NRXN1: variants seen among roughly 807,000 people sequenced by gnomAD.
The protein encoded by NRXN1 is neurexin 1.
Under a neutral mutation model 150.9 loss-of-function variants are expected in NRXN1, and 39 were observed. The observed-to-expected ratio is 0.26, with a 90% confidence interval of 0.20 to 0.34. NRXN1 has a LOEUF of 0.34. NRXN1 is among the 10% of genes least tolerant of loss of function. The pLI, the probability that NRXN1 is intolerant of heterozygous loss-of-function variation, is 1.00. For synonymous variants in NRXN1, 924 were observed against 757.0 expected, an observed-to-expected ratio of 1.22 and a Z score of -3.62; for missense variants, 1,815 against 1,949.9, an observed-to-expected ratio of 0.93 and a Z score of 1.30.
rs1325921316 is a variant in NRXN1, at chr2:50,347,211, A to G, written c.3365-110241T>C. On this transcript the variant is annotated intron_variant, in intron 17 of 22. Coordinates refer to ENST00000401669, the MANE Select transcript of NRXN1 (RefSeq NM_001330078.2). The surrounding 1 kb of genome is among the most constrained non-coding windows in gnomAD (Gnocchi z 4.9). ...CTTGTCCGGAAAGGCAGCCCCGGGA[A>G]CAGCAAGCGCGGAGCGGGTGGCTGC... is the stretch of plus-strand genomic sequence containing the variant. 7.5e-7 allele frequency: 1 copy of G among 1,341,752 alleles called. No individual in the cohort carries two copies. The highest frequency in any genetic ancestry group is 9.8e-7 in the Non-Finnish European group (1 of 1,024,134). 83.1% of individuals were successfully genotyped at this position (1,341,752 alleles called of 1,614,324 possible).
intron 5 of NRXN1, chr2:50,625,097 G>A (rs999678284): frequency 2.0e-5 from 3 of 151,846 alleles, no homozygotes; most frequent in Non-Finnish European, 2.9e-5. Context: ...TTATGCCCCC[G>A]AGAGGGTTGA....
intron 12 of NRXN1, among the ~76,000 whole-genome samples, chr2:50,508,604 C>A (rs1262527205): frequency 6.6e-6 from 1 of 151,306 alleles, no homozygotes; most frequent in Non-Finnish European, 1.5e-5. Flanking sequence ...TTTGAAGCAG[C>A]TTCACTTCTA....
chr2:50,127,826 G>A (rs1199522874), intron 18 of NRXN1, among the ~76,000 whole-genome samples: 1 of 152,114 alleles, frequency 6.6e-6, no homozygotes, highest in African/African-American at 2.4e-5. Context: ...GTACAATAAA[G>A]GTCAGATAAA....
At chr2:50,667,479 C>A (rs536844601) in intron 5 of NRXN1, among the ~76,000 whole-genome samples, 2 of 151,944 alleles carry the variant, frequency 1.3e-5, no homozygotes, top group East Asian at 3.9e-4. Flanking sequence ...TAGCATTCTG[C>A]AAGTAATGAT....
chr2:50,869,705 T>C (rs2106089313), intron 5 of NRXN1, among the ~76,000 whole-genome samples: 1 of 151,946 alleles, frequency 6.6e-6, no homozygotes, highest in African/African-American at 2.4e-5. Context: ...AATTAAAAGG[T>C]AGTTATGTCA....
intron 5 of NRXN1, among the ~76,000 whole-genome samples, chr2:50,671,459 T>C (rs1267550014): frequency 6.6e-6 from 1 of 151,680 alleles, no homozygotes; most frequent in Non-Finnish European, 1.5e-5. Context: ...ATTATCAATA[T>C]CATGTTCAAA....
intron 18 of NRXN1, among the ~76,000 whole-genome samples, chr2:50,129,960 T>C (rs1705224521): frequency 6.6e-6 from 1 of 152,182 alleles, no homozygotes; most frequent in African/African-American, 2.4e-5. Context: ...CCAAAACAAA[T>C]ATTTTCTATG....
chr2:50,408,655 A>ATGTGTGTGTGTATGTCTGTGTGTGCGTC (rs2082920496), intron 17 of NRXN1, among the ~76,000 whole-genome samples: 1 of 152,028 alleles, frequency 6.6e-6, no homozygotes, highest in Non-Finnish European at 1.5e-5. Flanking sequence ...GATTGTGTGT[A>ATGTGTGTGTGTATGTCTGTGTGTGCGTC]TGTGTGTGTG....
chr2:50,462,456 T>C (rs557358455), intron 17 of NRXN1, among the ~76,000 whole-genome samples: 1 of 151,478 alleles, frequency 6.6e-6, no homozygotes, highest in Non-Finnish European at 1.5e-5. Flanking sequence ...GAAAGAGGAA[T>C]AAGAAATGGG....
intron 21 of NRXN1, among the ~76,000 whole-genome samples, chr2:50,031,840 T>C (rs1689222957): frequency 6.6e-6 from 1 of 152,038 alleles, no homozygotes; most frequent in African/African-American, 2.4e-5. Context: ...TCTCAGCCCT[T>C]AATTCGCCAT....
intron 9 of NRXN1, among the ~76,000 whole-genome samples, chr2:50,550,398 A>C (rs1409011349): frequency 1.3e-5 from 2 of 152,064 alleles, no homozygotes; most frequent in African/African-American, 4.8e-5. Flanking sequence ...AGTGCTATAA[A>C]ATCTGACTTA....
chr2:50,928,759 G>A (rs533565878), intron 2 of NRXN1, among the ~76,000 whole-genome samples: 18 of 152,066 alleles, frequency 1.2e-4, no homozygotes, highest in African/African-American at 4.3e-4. Flanking sequence ...CAGTCCATCC[G>A]GCCTTACCTG....
At chr2:51,021,601 G>C (rs1287421605) in intron 2 of NRXN1, among the ~76,000 whole-genome samples, 10 of 151,672 alleles carry the variant, frequency 6.6e-5, no homozygotes, top group African/African-American at 2.4e-4. Context: ...ACCTACTTAT[G>C]ATAACTAAAA....
intron 5 of NRXN1, among the ~76,000 whole-genome samples, chr2:50,767,990 C>T (rs987467368): frequency 6.6e-6 from 1 of 151,998 alleles, no homozygotes; most frequent in South Asian, 2.1e-4. Context: ...CAACTCTGGC[C>T]GATAATTTAT....
intron 18 of NRXN1, among the ~76,000 whole-genome samples, chr2:50,184,125 TAC>T (rs1202433415): frequency 1.3e-5 from 2 of 152,202 alleles, no homozygotes; most frequent in East Asian, 3.9e-4. Flanking sequence ...GCTAATATTC[TAC>T]ACAGACTCCA....
intron 17 of NRXN1, among the ~76,000 whole-genome samples, chr2:50,394,218 G>A (rs1303372185): frequency 1.3e-5 from 2 of 151,946 alleles, no homozygotes; most frequent in East Asian, 1.9e-4. Context: ...ATCTATATGT[G>A]ATGATGCTTA....
intron 5 of NRXN1, among the ~76,000 whole-genome samples, chr2:50,809,901 T>A (rs765701070): frequency 1.3e-5 from 2 of 152,192 alleles, no homozygotes; most frequent in African/African-American, 4.8e-5. Flanking sequence ...AAAACAGGCA[T>A]ACCTGTCAAT....
intron 22 of NRXN1, among the ~76,000 whole-genome samples, chr2:49,936,536 A>G (rs1671060315): frequency 6.6e-6 from 1 of 152,132 alleles, no homozygotes; most frequent in Admixed American, 6.5e-5. Context: ...CATTTTACAG[A>G]CTAGGAAACT....
chr2:50,592,518 T>G (rs1674453927), intron 8 of NRXN1, among the ~76,000 whole-genome samples: 1 of 152,214 alleles, frequency 6.6e-6, no homozygotes, highest in Admixed American at 6.5e-5. Context: ...AGGGAGGTTC[T>G]CTTAGCTTGT....
Sources: gnomAD v4.1 joint callset for allele counts (sites outside exome capture counted in the v4.1 genomes callset) on GRCh38, gnomAD v4.1.1 for gene constraint, Gnocchi (gnomAD v3.1) non-coding constraint, MANE v1.5 for transcripts, NCBI Gene and HGNC (gene_info 2026-07-23, HGNC 2026-07-21) for gene names.